The following CCSER1 variants were observed in gnomAD, a reference collection of about 807,000 sequenced individuals.
The protein encoded by CCSER1 is serine-rich coiled-coil domain-containing protein 1.
In CCSER1, 41 loss-of-function variants were observed where a neutral mutation model predicts 82.0. The observed-to-expected ratio is 0.50, with a 90% CI of 0.39 to 0.65. The LOEUF is 0.65. Ranked by LOEUF, CCSER1 falls within the 30% of genes least tolerant of loss-of-function variation. The pLI is 0.00. For missense variants in CCSER1, 1,119 were observed against 1,064.2 expected (o/e 1.05, Z -0.72); for synonymous variants, 414 against 383.9 (o/e 1.08, Z -0.92).
chr4:90,134,424 C>T (rs1645163821), intron 1 of CCSER1, among the ~76,000 whole-genome samples: 1 of 152,270 alleles, frequency 6.6e-6, no homozygotes, highest in African/African-American at 2.4e-5. Context: ...CTGGTACTCC[C>T]ATCTTCTTAT....
chr4:90,574,609 C>A (rs2148594467), intron 5 of CCSER1, among the ~76,000 whole-genome samples: 1 of 152,012 alleles, frequency 6.6e-6, no homozygotes. Flanking sequence ...AGGGTGTTAT[C>A]AGCATTGTGA....
intron 10 of CCSER1, among the ~76,000 whole-genome samples, chr4:91,087,157 T>C (rs1218351925): frequency 6.6e-6 from 1 of 152,084 alleles, no homozygotes; most frequent in Non-Finnish European, 1.5e-5. Context: ...ACTGATCACC[T>C]CCTAAAGTGA....
intron 5 of CCSER1, among the ~76,000 whole-genome samples, chr4:90,546,076 G>C (rs1776713811): frequency 6.6e-6 from 1 of 152,018 alleles, no homozygotes; most frequent in Non-Finnish European, 1.5e-5. Flanking sequence ...ATGTGAAAGA[G>C]TCATTTCTTA....
At chr4:91,149,791 A>T (rs1386114251) in intron 10 of CCSER1, among the ~76,000 whole-genome samples, 1 of 152,068 alleles carries the variant, frequency 6.6e-6, no homozygotes, top group Non-Finnish European at 1.5e-5. Context: ...GTGGTAGTAG[A>T]TGTGTGATAT....
At chr4:91,497,059 T>C (rs1237214148) in intron 10 of CCSER1, among the ~76,000 whole-genome samples, 2 of 150,700 alleles carry the variant, frequency 1.3e-5, no homozygotes, top group Non-Finnish European at 3.0e-5. Flanking sequence ...CAGATGGTCT[T>C]AGGGATAGCA....
At chr4:90,932,753 G>A (rs1361998148) in intron 9 of CCSER1, among the ~76,000 whole-genome samples, 2 of 145,836 alleles carry the variant, frequency 1.4e-5, no homozygotes, top group Admixed American at 7.0e-5. Context: ...GCTTGAACCC[G>A]AGAGGCAGAG....
chr4:90,737,798 A>T (rs1745906154), intron 7 of CCSER1, among the ~76,000 whole-genome samples: 1 of 151,602 alleles, frequency 6.6e-6, no homozygotes. Flanking sequence ...TTTACTTTTT[A>T]TCTCCCCTGA....
intron 5 of CCSER1, among the ~76,000 whole-genome samples, chr4:90,556,297 C>T (rs927195897): frequency 3.9e-5 from 6 of 152,026 alleles, no homozygotes; most frequent in African/African-American, 1.2e-4. Flanking sequence ...TTCAATTAAA[C>T]TTCCTAGGCT....
At chr4:90,284,270 G>T (rs1276806842) in intron 1 of CCSER1, among the ~76,000 whole-genome samples, 1 of 152,052 alleles carries the variant, frequency 6.6e-6, no homozygotes, top group African/African-American at 2.4e-5. Flanking sequence ...CCACTATGTG[G>T]GTTGTCCCTT....
chr4:91,144,104 TGGTA>T (rs999477566), intron 10 of CCSER1, among the ~76,000 whole-genome samples: 51 of 152,084 alleles, frequency 3.4e-4, no homozygotes, highest in African/African-American at 1.1e-3. Context: ...TTTTATTCTT[TGGTA>T]GGTATTTTAA....
chr4:90,986,845 C>G (rs1477357324), intron 9 of CCSER1, among the ~76,000 whole-genome samples: 2 of 151,684 alleles, frequency 1.3e-5, no homozygotes, highest in African/African-American at 4.8e-5. Context: ...CATAACAACG[C>G]CTTCGGAGAC....
chr4:90,517,154 C>A (rs1010037282), intron 5 of CCSER1, among the ~76,000 whole-genome samples: 1 of 152,170 alleles, frequency 6.6e-6, no homozygotes, highest in South Asian at 2.1e-4. Flanking sequence ...TCATCTAACA[C>A]GAAGCCTATT....
intron 9 of CCSER1, among the ~76,000 whole-genome samples, chr4:91,079,132 T>TCC (rs1438045037): frequency 2.6e-5 from 4 of 152,080 alleles, no homozygotes; most frequent in African/African-American, 9.7e-5. Context: ...ATTTTCAGAT[T>TCC]CACCAAAGTT....
In CCSER1 at chr4:91,165,638, C is replaced by A. The variant is rs530723545; in HGVS notation, c.2217+79644C>A. Among the ~76,000 whole-genome samples, 6 of 152,362 alleles carry A rather than the reference C, an allele frequency of 3.9e-5. No homozygotes were observed. In the South Asian group the frequency reaches 6.2e-4, roughly 16 times the overall value. ...TTACCTACTCAAGCCTCAGCAATGGCAGACGCCCCTCCCCCTGCCAGGCTG... is the reference window on the plus strand; with the variant it reads ...TTACCTACTCAAGCCTCAGCAATGGAAGACGCCCCTCCCCCTGCCAGGCTG... On this transcript the variant is annotated intron_variant, in intron 10 of 10. Coordinates refer to ENST00000509176, the MANE Select transcript of CCSER1 (RefSeq NM_001145065.2).
chr4:90,342,977 A>G (rs543420575), intron 3 of CCSER1, among the ~76,000 whole-genome samples: 7 of 151,984 alleles, frequency 4.6e-5, no homozygotes, highest in East Asian at 3.9e-4. Flanking sequence ...TGTCCTCCAG[A>G]TATTGATTCT....
chr4:91,282,152 A>T (rs889031820), intron 10 of CCSER1, among the ~76,000 whole-genome samples: 3 of 152,176 alleles, frequency 2.0e-5, no homozygotes, highest in Non-Finnish European at 2.9e-5. Flanking sequence ...AGATTCAAAT[A>T]AACCTATGTG....
At chr4:90,232,225 C>G (rs1023822243) in intron 1 of CCSER1, among the ~76,000 whole-genome samples, 8 of 151,886 alleles carry the variant, frequency 5.3e-5, no homozygotes, top group Admixed American at 6.6e-5. Flanking sequence ...TCAAACTATA[C>G]TACAAGGCTA....
At chr4:91,001,398 G>C (rs183768229) in intron 9 of CCSER1, among the ~76,000 whole-genome samples, 8 of 152,090 alleles carry the variant, frequency 5.3e-5, no homozygotes, top group African/African-American at 1.9e-4. Flanking sequence ...GGCAGGTTTG[G>C]TATCAGGGTG....
intron 10 of CCSER1, among the ~76,000 whole-genome samples, chr4:91,497,565 AAG>A (rs1037261960): frequency 1.3e-5 from 2 of 151,824 alleles, no homozygotes; most frequent in Non-Finnish European, 2.9e-5. Flanking sequence ...ATGGCTTTAC[AAG>A]AGTTTTTGAA....
Sources: gnomAD v4.1 joint callset for allele counts (sites outside exome capture counted in the v4.1 genomes callset) on GRCh38, gnomAD v4.1.1 for gene constraint, MANE v1.5 for transcripts, NCBI Gene and HGNC (gene_info 2026-07-23, HGNC 2026-07-21) for gene names.